Variants in FAM135A observed in about 807,000 individuals in gnomAD.
The protein encoded by FAM135A is protein FAM135A.
In FAM135A, 79 loss-of-function variants were observed where a neutral mutation model predicts 146.8. That is an observed-to-expected ratio of 0.54 (90% CI 0.45 to 0.65). The LOEUF (loss-of-function observed/expected upper bound fraction) is 0.65, where lower values mean the gene tolerates loss of function less well. Ranked by LOEUF, FAM135A falls within the 30% of genes least tolerant of loss-of-function variation. The pLI is 0.00. For missense variants in FAM135A, 1,623 were observed against 1,758.2 expected, an observed-to-expected ratio of 0.92 and a Z score of 1.38; for synonymous variants, 562 against 603.6, an observed-to-expected ratio of 0.93 and a Z score of 1.01.
chr6:70,546,557 A>G (rs1212874159), intron 20 of FAM135A, among the ~76,000 whole-genome samples: 1 of 152,246 alleles, frequency 6.6e-6, no homozygotes, highest in African/African-American at 2.4e-5. Context: ...AAAATGAAGA[A>G]AGCTTTTTAA....
At chr6:70,419,625 G>A (rs1486481769) in intron 2 of FAM135A, among the ~76,000 whole-genome samples, 2 of 152,080 alleles carry the variant, frequency 1.3e-5, no homozygotes, top group Non-Finnish European at 2.9e-5. Context: ...TGCAGATTAC[G>A]TGTTTTTCCC....
chr6:70,418,110 A>G (rs1307837647), intron 2 of FAM135A, among the ~76,000 whole-genome samples: 1 of 152,174 alleles, frequency 6.6e-6, no homozygotes, highest in Non-Finnish European at 1.5e-5. Context: ...AATGGCTGCA[A>G]AAGTTTCTAG....
At position 70,490,527 on chromosome 6, in the gene FAM135A, G is replaced by C. The variant is rs146821813; in HGVS notation, c.824-507G>C. On this transcript the variant is annotated intron_variant, in intron 10 of 21. Transcript: ENST00000418814. ...TTTTATAGAAAAATAAATACATTAGGAACTAACTATTAAAGGATCTTGACA... is the reference window on the plus strand; with the variant it reads ...TTTTATAGAAAAATAAATACATTAGCAACTAACTATTAAAGGATCTTGACA... 4.5e-4 allele frequency among the ~76,000 whole-genome samples: 69 copies of C among 151,976 alleles called. No individual in the cohort carries two copies. The East Asian group carries it at 9.8e-3, about 22-fold the overall frequency.
intron 10 of FAM135A, among the ~76,000 whole-genome samples, chr6:70,488,313 G>T (rs1582486759): frequency 6.6e-6 from 1 of 151,984 alleles, no homozygotes; most frequent in East Asian, 1.9e-4. Flanking sequence ...GGGTAATGCT[G>T]AGAGAAAAAA....
In FAM135A at chr6:70,426,481, G is replaced by A. The variant is rs944480645; in HGVS notation, c.-91G>A. 6.6e-6 allele frequency: 1 copy of A among 152,134 alleles called. No homozygotes were observed. Among genetic ancestry groups the A allele is most frequent in the Non-Finnish European group, 1.5e-5 (1 of 68,038 alleles). 9.4% of individuals were successfully genotyped at this position (152,134 alleles called of 1,614,324 possible). A position where few individuals can be genotyped will look rare whatever the true frequency, so the allele number is the denominator to read the frequency against. On this transcript the variant is annotated 5_prime_UTR_variant, in exon 3 of 22. Coordinates refer to ENST00000418814, the MANE Select transcript of FAM135A (RefSeq NM_001162529.3). ...TAACAACGGGAATCAGTAACTGGAAGTACAAGATTGGTTATTTAATAATGT... is the reference window on the plus strand; with the variant it reads ...TAACAACGGGAATCAGTAACTGGAAATACAAGATTGGTTATTTAATAATGT...
At position 70,447,959 on chromosome 6, in the gene FAM135A, G is replaced by A. The variant is rs180688876; in HGVS notation, c.78-4533G>A. ...TACCATCACAGGCCTTGATATAATC[G>A]ACTAAATATGCTTTCCCGAATTTAA... On this transcript the variant is annotated intron_variant, in intron 4 of 21. Coordinates refer to ENST00000418814, the MANE Select transcript of FAM135A (RefSeq NM_001162529.3). Among the ~76,000 whole-genome samples the A allele has an allele frequency of 1.4e-4, 22 of 152,170 alleles. No homozygotes were observed. The East Asian group carries it at 3.3e-3, about 23-fold the overall frequency.
At chr6:70,423,241 C>G (rs927833650) in intron 2 of FAM135A, among the ~76,000 whole-genome samples, 1 of 152,086 alleles carries the variant, frequency 6.6e-6, no homozygotes, top group African/African-American at 2.4e-5. Flanking sequence ...ATTCAGATTA[C>G]ATCATATAAT....
intron 7 of FAM135A, among the ~76,000 whole-genome samples, chr6:70,476,932 T>C (rs916071212): frequency 6.6e-6 from 1 of 152,152 alleles, no homozygotes; most frequent in African/African-American, 2.4e-5. Context: ...GAAAAAATAG[T>C]TCATATCATG....
intron 16 of FAM135A, 93 bp downstream of exon 16, chr6:70,528,545 A>G (rs919052214): frequency 5.9e-6 from 7 of 1,189,976 alleles, no homozygotes; most frequent in Non-Finnish European, 7.8e-6. Flanking sequence ...TGAACTAAAA[A>G]AAGATTTTTT....
intron 16 of FAM135A, among the ~76,000 whole-genome samples, chr6:70,528,664 A>C (rs1042151255): frequency 2.0e-5 from 3 of 151,426 alleles, no homozygotes; most frequent in Admixed American, 1.3e-4. Flanking sequence ...TTTTCCATGG[A>C]ACTGACACTC....
intron 20 of FAM135A, among the ~76,000 whole-genome samples, chr6:70,538,814 T>C: frequency 8.4e-6 from 1 of 118,766 alleles, no homozygotes; most frequent in Middle Eastern, 4.1e-3. Flanking sequence ...TGTTATATTA[T>C]ATTATATTAT....
rs1794731658 is a variant in FAM135A at position 70,526,572 on chromosome 6, C to T, written c.3488C>T (p.Pro1163Leu). ...TTCCCGTCTGCACCACGAGAGTCTC[C>T]TTGTAATGTTAAATATTCTTCCAAA... ...LSFPSAPRESPCNVKYSSKSK... is the reference protein window; with the variant it reads ...LSFPSAPRESLCNVKYSSKSK... The change falls in exon 15 of 22, where the codon CCT becomes CTT. Residue 1163 changes from proline to leucine, a missense_variant. By Grantham distance (98) the Pro-to-Leu change is moderately conservative. Around this residue, in one of 7 missense-constraint regions of FAM135A, gnomAD observed 1,061 missense variants for 1,113.8 expected, o/e 0.95. Transcript: ENST00000418814. 4 of 1,613,474 alleles carry T rather than the reference C, an allele frequency of 2.5e-6. No homozygotes were observed. In the African/African-American group the frequency reaches 4.0e-5, roughly 16 times the overall value.
At chr6:70,448,530 G>T (rs912730611) in intron 4 of FAM135A, among the ~76,000 whole-genome samples, 2 of 152,066 alleles carry the variant, frequency 1.3e-5, no homozygotes, top group African/African-American at 4.8e-5. Flanking sequence ...CTGGATTCGA[G>T]CCCCCGTGAT....
intron 2 of FAM135A, among the ~76,000 whole-genome samples, chr6:70,425,694 G>A (rs1289838564): frequency 1.3e-5 from 2 of 152,196 alleles, no homozygotes; most frequent in African/African-American, 4.8e-5. Context: ...TTGTGTCAAA[G>A]TATTTTAAAT....
intron 12 of FAM135A, among the ~76,000 whole-genome samples, chr6:70,516,968 T>G (rs1371055089): frequency 6.6e-6 from 1 of 152,184 alleles, no homozygotes. Context: ...CTCAAAACAT[T>G]ATGAAGTTTG....
At chr6:70,472,541 C>G (rs1323622395) in intron 5 of FAM135A, among the ~76,000 whole-genome samples, 1 of 152,134 alleles carries the variant, frequency 6.6e-6, no homozygotes, top group African/African-American at 2.4e-5. Context: ...CCATCAAAAT[C>G]AAGAAGCTAA....
intron 12 of FAM135A, among the ~76,000 whole-genome samples, chr6:70,516,240 A>G (rs1003398843): frequency 2.0e-5 from 3 of 152,158 alleles, no homozygotes; most frequent in African/African-American, 7.2e-5. Flanking sequence ...GTCCAGACCT[A>G]GGGAACTTTT....
chr6:70,486,120 G>T (rs1208891322), intron 10 of FAM135A: 2 of 1,542,706 alleles, frequency 1.3e-6, no homozygotes. Context: ...AAGTTTTGTT[G>T]TGAAAGGAGT....
chr6:70,550,701 C>A (rs1226107562), intron 20 of FAM135A, among the ~76,000 whole-genome samples: 4 of 152,138 alleles, frequency 2.6e-5, no homozygotes, highest in African/African-American at 9.7e-5. Flanking sequence ...TTTCAAGGCC[C>A]CAGCTGCATT....
Sources: allele counts gnomAD v4.1 joint callset (sites outside exome capture counted in the v4.1 genomes callset), GRCh38; gene constraint gnomAD v4.1.1; regional missense constraint gnomAD v4.1.1; transcripts MANE v1.5; gene names NCBI Gene and HGNC (gene_info 2026-07-23, HGNC 2026-07-21).